MEGF9: variants seen among roughly 807,000 people sequenced by gnomAD.
MEGF9 encodes multiple epidermal growth factor-like domains protein 9.
MEGF9 carries 6 observed loss-of-function variants against 46.8 expected under a neutral mutation model. That is an observed-to-expected ratio of 0.13 (90% CI 0.07 to 0.25). The LOEUF is 0.25. Ranked by LOEUF, MEGF9 falls within the 10% of genes least tolerant of loss-of-function variation. The pLI, the probability that MEGF9 is intolerant of heterozygous loss-of-function variation, is 1.00. For missense variants in MEGF9, 683 were observed against 792.4 expected (o/e 0.86, Z 1.66); for synonymous variants, 302 against 330.7 (o/e 0.91, Z 0.94).
intron 1 of MEGF9, among the ~76,000 whole-genome samples, chr9:120,676,985 C>T (rs145109834): frequency 6.6e-6 from 1 of 152,304 alleles, no homozygotes; most frequent in East Asian, 1.9e-4. Context: ...GTTTATCTTA[C>T]GTCAATACCC....
rs1314359364 is a variant in MEGF9 at position 120,659,267 on chromosome 9, G to T, written c.803+107C>A. 8 of 718,322 alleles carry T rather than the reference G, an allele frequency of 1.1e-5. No individual in the cohort carries two copies. The Admixed American group carries it at 1.3e-4, about 11-fold the overall frequency. The allele number at this position is 718,322 out of a possible 1,614,324, so 44.5% of individuals were successfully genotyped here. The stretch of plus-strand genomic sequence containing the variant: ...TATATAAAATATTTTGTAAATCTAT[G>T]ACCCTCATCCCCCTTTGTTTAAACC... On this transcript the variant is annotated intron_variant, in intron 2 of 5. Coordinates refer to ENST00000373930, the MANE Select transcript of MEGF9 (RefSeq NM_001080497.3).
At chr9:120,637,818 G>A (rs1254098853) in intron 2 of MEGF9, among the ~76,000 whole-genome samples, 238 of 54,972 alleles carry the variant, frequency 4.3e-3, no homozygotes, top group Middle Eastern at 0.012. Context: ...AAAAAAAAAA[G>A]TACTACATTA....
chr9:120,659,888 T>C (rs16909989), intron 1 of MEGF9, among the ~76,000 whole-genome samples: 2,281 of 150,896 alleles, frequency 0.015, 59 homozygotes, highest in African/African-American at 0.053. Context: ...AGGGCACATG[T>C]TGGAAATGAC....
intron 2 of MEGF9, among the ~76,000 whole-genome samples, chr9:120,656,589 T>C (rs1465748754): frequency 2.1e-5 from 3 of 146,252 alleles, no homozygotes; most frequent in Admixed American, 2.0e-4. Context: ...ATAATGCACA[T>C]CAAGTAGTTA....
At chr9:120,641,257 T>G (rs2043601663) in intron 2 of MEGF9, among the ~76,000 whole-genome samples, 1 of 152,184 alleles carries the variant, frequency 6.6e-6, no homozygotes, top group African/African-American at 2.4e-5. Context: ...ATTCAATGAC[T>G]AGCCCATGAT....
At position 120,637,857 on chromosome 9, in the gene MEGF9, T is replaced by G. The variant is rs2043585537; in HGVS notation, c.804-15102A>C. On this transcript the variant is annotated intron_variant, in intron 2 of 5. Transcript: ENST00000373930. ...GATAGTTTCTGCACTTCATAAGTCATTTTGAAAAAAGAAAATGTAGAGACA... is the reference window on the plus strand; with the variant it reads ...GATAGTTTCTGCACTTCATAAGTCAGTTTGAAAAAAGAAAATGTAGAGACA... Among the ~76,000 whole-genome samples the G allele has an allele frequency of 2.0e-5, 3 of 149,046 alleles. No homozygotes were observed. In the South Asian group the frequency reaches 6.3e-4, roughly 31 times the overall value.
intron 1 of MEGF9, among the ~76,000 whole-genome samples, chr9:120,712,816 A>G (rs2043959691): frequency 6.6e-6 from 1 of 152,224 alleles, no homozygotes; most frequent in Admixed American, 6.5e-5. Context: ...CTTTTGTCCA[A>G]ACGTTCTGAC....
chr9:120,642,293 T>C (rs532412198), intron 2 of MEGF9, among the ~76,000 whole-genome samples: 1 of 152,218 alleles, frequency 6.6e-6, no homozygotes, highest in East Asian at 1.9e-4. Flanking sequence ...AACTGATGAG[T>C]CATACTCACC....
chr9:120,684,601 G>A (rs2043813202), intron 1 of MEGF9, among the ~76,000 whole-genome samples: 1 of 152,112 alleles, frequency 6.6e-6, no homozygotes. Context: ...GAAATTCTTT[G>A]CTTTATCATC....
chr9:120,687,772 GAA>G (rs2043829906), intron 1 of MEGF9, among the ~76,000 whole-genome samples: 1 of 113,636 alleles, frequency 8.8e-6, no homozygotes, highest in African/African-American at 3.3e-5. Context: ...AGGGAAGAAA[GAA>G]AAAGAGATAA....
chr9:120,682,030 C>T (rs2043800772), intron 1 of MEGF9, among the ~76,000 whole-genome samples: 1 of 152,102 alleles, frequency 6.6e-6, no homozygotes, highest in Non-Finnish European at 1.5e-5. Context: ...CAAGGCAAAA[C>T]AACAACAACA....
intron 1 of MEGF9, among the ~76,000 whole-genome samples, chr9:120,673,691 G>C (rs565838733): frequency 3.3e-5 from 5 of 151,918 alleles, no homozygotes; most frequent in East Asian, 1.9e-4. Flanking sequence ...CAATAGGCCG[G>C]GCACGGTGGC....
intron 1 of MEGF9, among the ~76,000 whole-genome samples, chr9:120,712,380 A>G (rs2043957964): frequency 6.6e-6 from 1 of 152,220 alleles, no homozygotes; most frequent in African/African-American, 2.4e-5. Context: ...TGAGCCGCCT[A>G]AGCTTACACA....
At chr9:120,607,431 G>A (rs2132296853) in intron 5 of MEGF9, among the ~76,000 whole-genome samples, 1 of 151,782 alleles carries the variant, frequency 6.6e-6, no homozygotes, top group South Asian at 2.1e-4. Flanking sequence ...TGAGAATAAA[G>A]GAAGCAAAGA....
intron 5 of MEGF9, among the ~76,000 whole-genome samples, chr9:120,606,154 G>C (rs1359999573): frequency 6.9e-6 from 1 of 145,590 alleles, no homozygotes; most frequent in Non-Finnish European, 1.5e-5. Flanking sequence ...CTCGGTGACA[G>C]AGCGAGACTC....
chr9:120,662,696 G>A (rs143910209), intron 1 of MEGF9, among the ~76,000 whole-genome samples: 22 of 152,130 alleles, frequency 1.4e-4, no homozygotes, highest in African/African-American at 4.8e-4. Flanking sequence ...TACAACAGCT[G>A]GAAAAAAGTA....
intron 2 of MEGF9, among the ~76,000 whole-genome samples, chr9:120,639,471 G>A (rs2132312528): frequency 7.1e-6 from 1 of 141,106 alleles, no homozygotes; most frequent in African/African-American, 2.7e-5. Flanking sequence ...TTGTGCCACT[G>A]CACTCCAGCC....
At chr9:120,622,428 T>TTTTTTTG (rs1480427418) in intron 3 of MEGF9, among the ~76,000 whole-genome samples, 188 bp downstream of exon 3, 1 of 149,248 alleles carries the variant, frequency 6.7e-6, no homozygotes, top group Non-Finnish European at 1.5e-5. Context: ...TTTTTTTTTT[T>TTTTTTTG]TTTTTTAATT....
intron 2 of MEGF9, among the ~76,000 whole-genome samples, chr9:120,636,744 C>T (rs980943263): frequency 2.6e-5 from 4 of 151,582 alleles, no homozygotes; most frequent in African/African-American, 9.7e-5. Context: ...AACTGAGGAG[C>T]GCCTCCGCCC....
Sources: gnomAD v4.1 joint callset for allele counts (sites outside exome capture counted in the v4.1 genomes callset) on GRCh38, gnomAD v4.1.1 for gene constraint, MANE v1.5 for transcripts, NCBI Gene and HGNC (gene_info 2026-07-23, HGNC 2026-07-21) for gene names.